Variants in NFKBIZ observed in about 807,000 individuals in gnomAD.
The protein encoded by NFKBIZ is NFKB inhibitor zeta, also known as NF-kappa-B inhibitor zeta.
NFKBIZ carries 19 observed loss-of-function variants against 76.8 expected under a neutral mutation model. That is an observed-to-expected ratio of 0.25 (90% CI 0.17 to 0.36). The LOEUF is 0.36. NFKBIZ is among the 10% of genes least tolerant of loss of function. The probability of loss-of-function intolerance (pLI) is 1.00; values close to 1 mark genes in which losing one functional copy is unlikely to be tolerated. For missense variants in NFKBIZ, 829 were observed against 910.9 expected, an observed-to-expected ratio of 0.91 and a Z score of 1.16; for synonymous variants, 368 against 354.8, an observed-to-expected ratio of 1.04 and a Z score of -0.42.
rs1368349295 is a variant in NFKBIZ, at chr3:101,849,797, C to T, written c.169C>T (p.Pro57Ser). 5 of 1,470,524 alleles carry T rather than the reference C, an allele frequency of 3.4e-6. No individual in the cohort carries two copies. Among genetic ancestry groups the T allele is most frequent in the Admixed American group, 2.5e-5 (1 of 40,520 alleles). The allele number at this position is 1,470,524 out of a possible 1,614,324, so 91.1% of individuals were successfully genotyped here. A position where few individuals can be genotyped will look rare whatever the true frequency, so the allele number is the denominator to read the frequency against. Residue 57 changes from proline (P) to serine (S), a missense_variant, in exon 1 of 12, where the codon CCC becomes TCC. Pro to Ser is a moderately conservative substitution (Grantham distance 74). Coordinates refer to ENST00000326172, the MANE Select transcript of NFKBIZ (RefSeq NM_031419.4). ...ACDASCSVLG[P>S]SAPGSPGSDS... ...CGACGCCAGCTGCTCGGTCTTGGGC[C>T]CCTCGGCGCCCGGCTCGCCCGGCTC...
chr3:101,834,358 T>G (rs957366332), intron 2 of NFKBIZ, among the ~76,000 whole-genome samples: 2 of 151,658 alleles, frequency 1.3e-5, no homozygotes, highest in Non-Finnish European at 2.9e-5. Flanking sequence ...TTCCTTTCCC[T>G]TTTCCTTTCC....
chr3:101,853,029 A>G, intron 4 of NFKBIZ, 40 bp downstream of exon 4: 1 of 1,612,994 alleles, frequency 6.2e-7, no homozygotes, highest in Non-Finnish European at 8.5e-7. Context: ...TCCTTTGGAA[A>G]TTATTCCTGG....
intron 2 of NFKBIZ, among the ~76,000 whole-genome samples, chr3:101,832,213 A>G (rs1325661248): frequency 6.6e-6 from 1 of 152,176 alleles, no homozygotes; most frequent in African/African-American, 2.4e-5. Context: ...GCTGGGATAC[A>G]GGTGTGAGCC....
intron 1 of NFKBIZ, chr3:101,850,448 A>T: frequency 6.6e-6 from 1 of 152,186 alleles, no homozygotes; most frequent in East Asian, 1.9e-4. Context: ...CTGAAAACCA[A>T]CTCAAGTTAT....
chr3:101,833,997 A>G (rs1314946240), intron 2 of NFKBIZ, among the ~76,000 whole-genome samples: 4 of 152,166 alleles, frequency 2.6e-5, no homozygotes, highest in African/African-American at 7.2e-5. Context: ...TTAAAATGCA[A>G]ATAACCTTTA....
intron 9 of NFKBIZ, 178 bp from the exon 10 acceptor site, chr3:101,856,895 A>C (rs1422944045): frequency 1.9e-6 from 1 of 536,256 alleles, no homozygotes; most frequent in Non-Finnish European, 3.3e-6. Context: ...TAGGAAATTT[A>C]AGAGGAATAA....
At chr3:101,830,345 T>C (rs950633931) in intron 2 of NFKBIZ, among the ~76,000 whole-genome samples, 4 of 152,206 alleles carry the variant, frequency 2.6e-5, no homozygotes, top group Non-Finnish European at 5.9e-5. Flanking sequence ...CTTCAACTTT[T>C]ATTTTAGATT....
chr3:101,853,695 T>C lies in NFKBIZ; in HGVS notation c.1169T>C (p.Met390Thr), dbSNP rs1480238848. Residue 390 changes from methionine (M) to threonine (T), a missense_variant, in exon 5 of 12, where the codon ATG (methionine) becomes ACG (threonine). By Grantham distance (81) the Met-to-Thr change is moderately conservative. Around this residue, in one of 4 missense-constraint regions of NFKBIZ, gnomAD observed 371 missense variants for 332.3 expected, o/e 1.12. Coordinates refer to ENST00000326172, the MANE Select transcript of NFKBIZ (RefSeq NM_031419.4). ...TGTGAGGCCATGGTGGGGCACGAGA[T>C]GGCCTCTGACTCTTCAAACACTTCA... is the stretch of plus-strand genomic sequence containing the variant. The part of the protein sequence containing the change: ...SACEAMVGHE[M>T]ASDSSNTSLP... The C allele has an allele frequency of 1.9e-6, 3 of 1,614,124 alleles. No homozygotes were observed. The highest frequency in any genetic ancestry group is 2.5e-6 in the Non-Finnish European group (3 of 1,180,058).
chr3:101,850,649 C>T (rs192327432), intron 1 of NFKBIZ, among the ~76,000 whole-genome samples: 15 of 152,278 alleles, frequency 9.9e-5, no homozygotes, highest in African/African-American at 3.6e-4. Flanking sequence ...CAGGATGCCC[C>T]TGTGGGTAGG....
At chr3:101,832,372 C>G (rs1398348559) in intron 2 of NFKBIZ, among the ~76,000 whole-genome samples, 3 of 152,302 alleles carry the variant, frequency 2.0e-5, no homozygotes, top group South Asian at 2.1e-4. Context: ...CCACTAAGTA[C>G]TTTTCATATT....
At chr3:101,847,933 C>T (rs1942877291), upstream of NFKBIZ, among the ~76,000 whole-genome samples, 1 of 152,242 alleles carries the variant, frequency 6.6e-6, no homozygotes, top group Non-Finnish European at 1.5e-5. Context: ...CCCTGTTCAC[C>T]TGGTCGTGGC....
chr3:101,840,515 T>TA (rs1942774157), intron 2 of NFKBIZ, among the ~76,000 whole-genome samples: 1 of 152,218 alleles, frequency 6.6e-6, no homozygotes, highest in Non-Finnish European at 1.5e-5. Flanking sequence ...CATTTTATAG[T>TA]ATGTGGATAT....
Position 101,855,145 on chromosome 3 carries a change from A to C in NFKBIZ, c.1527A>C (p.Thr509=). 6.2e-7 allele frequency: 1 copy of C among 1,614,088 alleles called. No individual in the cohort carries two copies. Among genetic ancestry groups the C allele is most frequent in the Non-Finnish European group, 8.5e-7 (1 of 1,180,008 alleles). Residue 509 remains threonine (T), a synonymous_variant, in exon 7 of 12, where the codon ACA becomes ACC. Coordinates refer to ENST00000326172, the MANE Select transcript of NFKBIZ (RefSeq NM_031419.4). ...LVNIGAQVNT[T]DCWGRTPLHV... ...ACATCGGGGCACAGGTGAACACCAC[A>C]GACTGCTGGGGAAGAACACCTCTGC... is the stretch of plus-strand genomic sequence containing the variant.
chr3:101,849,658 C>A lies in NFKBIZ; in HGVS notation c.30C>A (p.Ser10Arg). 1 of 1,399,202 alleles carries A rather than the reference C, an allele frequency of 7.1e-7. No individual in the cohort carries two copies. The highest frequency in any genetic ancestry group is 9.2e-7 in the Non-Finnish European group (1 of 1,085,944). The allele number at this position is 1,399,202 out of a possible 1,614,324, so 86.7% of individuals were successfully genotyped here. A position where few individuals can be genotyped will look rare whatever the true frequency, so the allele number is the denominator to read the frequency against. MIVDKLLDD[S>R]RGGEGLRDAA... ...TTGTGGACAAGCTGCTGGACGACAG[C>A]CGCGGCGGAGAGGGGCTGCGGGACG... Residue 10 changes from serine to arginine, a missense_variant, in exon 1 of 12, where the codon AGC (serine) becomes AGA (arginine). Physicochemically the swap from Ser to Arg is moderately radical, Grantham distance 110. Around this residue, in one of 4 missense-constraint regions of NFKBIZ, gnomAD observed 181 missense variants for 175.3 expected, o/e 1.03. Transcript: ENST00000326172.
rs866001094 is a variant in NFKBIZ at position 101,849,522 on chromosome 3, C to T, written c.-107C>T. 9.8e-6 allele frequency: 10 copies of T among 1,020,594 alleles called. No individual in the cohort carries two copies. Among genetic ancestry groups the T allele is most frequent in the Non-Finnish European group, 1.1e-5 (9 of 784,434 alleles). The allele number at this position is 1,020,594 out of a possible 1,614,324, so 63.2% of individuals were successfully genotyped here. Reference sequence around the variant, plus strand: ...AGTCCCGCGCCGCGCCCGTACTGGCCCGCGCCGTCCGCCCGCCGACAGCTC... The same window carrying T: ...AGTCCCGCGCCGCGCCCGTACTGGCTCGCGCCGTCCGCCCGCCGACAGCTC... On this transcript the variant is annotated 5_prime_UTR_variant, in exon 1 of 12. Transcript: ENST00000326172.
chr3:101,851,524 C>T (rs1291057485), intron 1 of NFKBIZ, among the ~76,000 whole-genome samples: 2 of 152,176 alleles, frequency 1.3e-5, no homozygotes, highest in East Asian at 1.9e-4. Flanking sequence ...GTCAGGTTTT[C>T]GTACATAGAG....
chr3:101,842,312 G>A (rs921087406), intron 2 of NFKBIZ, among the ~76,000 whole-genome samples: 6 of 152,308 alleles, frequency 3.9e-5, no homozygotes, highest in South Asian at 4.1e-4. Context: ...ACTCAGTTTC[G>A]TGTTACTGAA....
At chr3:101,831,243 T>G (rs1472358777) in intron 2 of NFKBIZ, among the ~76,000 whole-genome samples, 2 of 152,206 alleles carry the variant, frequency 1.3e-5, no homozygotes, top group African/African-American at 4.8e-5. Flanking sequence ...GGGAAAAATC[T>G]TAGCTATTAC....
intron 11 of NFKBIZ, chr3:101,857,797 TTGTAA>T (rs1367977970): frequency 2.0e-6 from 2 of 985,218 alleles, no homozygotes; most frequent in African/African-American, 1.7e-5. Context: ...AATCTTAGTC[TTGTAA>T]TGTATGAGCC....
Sources: gnomAD v4.1 joint callset for allele counts (sites outside exome capture counted in the v4.1 genomes callset) on GRCh38, gnomAD v4.1.1 for gene constraint, gnomAD v4.1.1 regional missense constraint, MANE v1.5 for transcripts, NCBI Gene and HGNC (gene_info 2026-07-23, HGNC 2026-07-21) for gene names.